CHD9: variants seen among roughly 807,000 people sequenced by gnomAD.
CHD9 encodes the protein chromodomain helicase DNA binding protein 9.
A neutral mutation model predicts 316.1 loss-of-function variants in CHD9; 77 were observed. That is an observed-to-expected ratio of 0.24 (90% CI 0.20 to 0.29). The LOEUF (loss-of-function observed/expected upper bound fraction) is 0.29, where lower values mean the gene tolerates loss of function less well. Ranked by LOEUF, CHD9 falls within the 10% of genes least tolerant of loss-of-function variation. The pLI is 1.00. For synonymous variants in CHD9, 1,129 were observed against 1,158.3 expected (o/e 0.97, Z 0.51); for missense variants, 2,763 against 3,438.1 (o/e 0.80, Z 4.91).
chr16:53,128,554 C>G (rs915209075), intron 1 of CHD9, among the ~76,000 whole-genome samples: 27 of 152,296 alleles, frequency 1.8e-4, no homozygotes, highest in African/African-American at 6.3e-4. Context: ...TGGCTTTAGA[C>G]AGCCCATTGC....
intron 1 of CHD9, among the ~76,000 whole-genome samples, chr16:53,119,290 A>G (rs2038560378): frequency 1.3e-5 from 2 of 152,172 alleles, no homozygotes; most frequent in Non-Finnish European, 1.5e-5. Flanking sequence ...AGGGAAGAAG[A>G]AATATAATTT....
chr16:53,324,475 G>A lies in CHD9; in HGVS notation c.8274G>A (p.Glu2758=), dbSNP rs1265934501. Residue 2758 remains glutamate, a synonymous_variant, in exon 39 of 39, where the codon GAG becomes GAA. Transcript: ENST00000447540. Reference sequence around the variant, plus strand: ...CAGAAGGAAAAACAGAAAGGACAGAGAGCCAAAGTTCAGAGAATGGTGGAG... The same window carrying A: ...CAGAAGGAAAAACAGAAAGGACAGAAAGCCAAAGTTCAGAGAATGGTGGAG... ...KESEGKTERT[E]SQSSENGGEN... 6 of 1,613,886 alleles carry A rather than the reference G, an allele frequency of 3.7e-6. No homozygotes were observed. Among genetic ancestry groups the A allele is most frequent in the African/African-American group, 1.3e-5 (1 of 74,942 alleles).
Position 53,149,549 on chromosome 16 carries a change from TTCTC to T in CHD9, c.-164-6371_-164-6368del, listed in dbSNP as rs527417988. ...TATCCTTCTTTGTCTCTTGTAACCT[TTCTC>T]TCTCTGTCTCTCGTACCCAGCCATT... On this transcript the variant is annotated intron_variant, in intron 1 of 38. Coordinates refer to ENST00000447540, the MANE Select transcript of CHD9 (RefSeq NM_001308319.2). Among the ~76,000 whole-genome samples, 43 of 151,202 alleles carry T rather than the reference TTCTC, an allele frequency of 2.8e-4. No individual in the cohort carries two copies. In the South Asian group the frequency reaches 8.9e-3, roughly 31 times the overall value.
chr16:53,098,120 CA>C (rs1051950693), intron 1 of CHD9, among the ~76,000 whole-genome samples: 2 of 147,472 alleles, frequency 1.4e-5, no homozygotes. Context: ...GACTTCGTCT[CA>C]AAAAAAAAAT....
chr16:53,161,363 G>T (rs2041899433), intron 2 of CHD9, among the ~76,000 whole-genome samples: 1 of 152,086 alleles, frequency 6.6e-6, no homozygotes, highest in African/African-American at 2.4e-5. Context: ...TATAATTTTT[G>T]CATGTTCTGT....
At chr16:53,205,133 G>A (rs1330775191) in intron 2 of CHD9, among the ~76,000 whole-genome samples, 4 of 152,116 alleles carry the variant, frequency 2.6e-5, no homozygotes, top group South Asian at 2.1e-4. Context: ...GAGCCACCGC[G>A]CCCGACCTAT....
intron 1 of CHD9, among the ~76,000 whole-genome samples, chr16:53,133,290 C>T (rs1429015855): frequency 6.6e-6 from 1 of 152,026 alleles, no homozygotes; most frequent in Non-Finnish European, 1.5e-5. Flanking sequence ...CAGATAAAAG[C>T]AATGCTAGTC....
intron 3 of CHD9, among the ~76,000 whole-genome samples, chr16:53,220,836 T>C (rs141975734): frequency 1.1e-4 from 17 of 152,358 alleles, no homozygotes; most frequent in African/African-American, 4.1e-4. Context: ...TACCACTGCA[T>C]GTTCTCCTCA....
At chr16:53,106,632 T>G (rs1195233057) in intron 1 of CHD9, among the ~76,000 whole-genome samples, 1 of 148,706 alleles carries the variant, frequency 6.7e-6, no homozygotes, top group African/African-American at 2.5e-5. Context: ...TAGTTAAAGA[T>G]GCAACTGCCT....
chr16:53,287,823 G>A (rs1388495223), intron 26 of CHD9, 134 bp from the exon 27 acceptor site: 6 of 677,718 alleles, frequency 8.9e-6, no homozygotes, highest in South Asian at 3.6e-5. Flanking sequence ...GCTGTGTCTT[G>A]GGCTCTTCTG....
chr16:53,284,056 A>G (rs988209226), intron 24 of CHD9, among the ~76,000 whole-genome samples: 12 of 152,222 alleles, frequency 7.9e-5, no homozygotes, highest in African/African-American at 2.6e-4. Flanking sequence ...TTATTTTTAT[A>G]TAAAAATTTG....
intron 24 of CHD9, among the ~76,000 whole-genome samples, chr16:53,280,405 C>T (rs1267372447): frequency 6.6e-6 from 1 of 151,956 alleles, no homozygotes; most frequent in Non-Finnish European, 1.5e-5. Flanking sequence ...GACTATTATT[C>T]TAAGTGAAGT....
intron 3 of CHD9, among the ~76,000 whole-genome samples, chr16:53,214,400 C>T (rs1448692707): frequency 1.3e-5 from 2 of 151,908 alleles, no homozygotes; most frequent in African/African-American, 4.8e-5. Flanking sequence ...AATATATGCT[C>T]GAATTAAATA....
chr16:53,271,987 A>G (rs2052315451), intron 22 of CHD9, among the ~76,000 whole-genome samples: 1 of 152,206 alleles, frequency 6.6e-6, no homozygotes, highest in Non-Finnish European at 1.5e-5. Context: ...AAGGTATGAT[A>G]AACAATAAAA....
chr16:53,132,969 C>T (rs940469554), intron 1 of CHD9, among the ~76,000 whole-genome samples: 6 of 151,826 alleles, frequency 4.0e-5, no homozygotes, highest in Admixed American at 6.6e-5. Flanking sequence ...CCACCACGCC[C>T]GGCCGTTTCT....
At chr16:53,321,334 C>A in intron 37 of CHD9, 192 bp from the exon 38 acceptor site, 1 of 1,368,428 alleles carries the variant, frequency 7.3e-7, no homozygotes, top group Non-Finnish European at 9.4e-7. Flanking sequence ...TTTACATTAT[C>A]ACATATTTAT....
chr16:53,060,691 G>A lies in CHD9; in HGVS notation c.-165+5614G>A, dbSNP rs1197402325. Among the ~76,000 whole-genome samples the A allele has an allele frequency of 2.6e-5, 4 of 152,178 alleles. No homozygotes were observed. The East Asian group carries it at 7.7e-4, about 29-fold the overall frequency. ...GAATCAATTGAGCTGAGGAGTTTGA[G>A]GTTGCAATGAGCCATGATCATGCCA... On this transcript the variant is annotated intron_variant, in intron 1 of 38. Transcript: ENST00000447540.
At chr16:53,111,287 G>C (rs570500442) in intron 1 of CHD9, among the ~76,000 whole-genome samples, 1 of 152,110 alleles carries the variant, frequency 6.6e-6, no homozygotes, top group Non-Finnish European at 1.5e-5. Flanking sequence ...GGGGAGGGTC[G>C]GGGAATCCCA....
At chr16:53,118,995 T>C (rs1037347416) in intron 1 of CHD9, among the ~76,000 whole-genome samples, 1 of 152,154 alleles carries the variant, frequency 6.6e-6, no homozygotes, top group African/African-American at 2.4e-5. Context: ...TTCCACCATG[T>C]TGGCCAGGCT....
Sources: allele counts gnomAD v4.1 joint callset (sites outside exome capture counted in the v4.1 genomes callset), GRCh38; gene constraint gnomAD v4.1.1; transcripts MANE v1.5; gene names NCBI Gene and HGNC (gene_info 2026-07-23, HGNC 2026-07-21).